The following CHD8 variants were observed in gnomAD, a reference collection of about 807,000 sequenced individuals.
CHD8 encodes the protein chromodomain helicase DNA binding protein 8, also known as ATP-dependent chromatin remodeler CHD8.
A neutral mutation model predicts 279.2 loss-of-function variants in CHD8; 31 were observed. That is an observed-to-expected ratio of 0.11 (90% CI 0.08 to 0.15). CHD8 has a LOEUF of 0.15. Ranked by LOEUF, CHD8 falls within the 10% of genes least tolerant of loss-of-function variation. The probability of loss-of-function intolerance (pLI) is 1.00; values close to 1 mark genes in which losing one functional copy is unlikely to be tolerated. For missense variants in CHD8, 2,146 were observed against 3,230.5 expected, an observed-to-expected ratio of 0.66 and a Z score of 8.14; for synonymous variants, 1,081 against 1,139.6, an observed-to-expected ratio of 0.95 and a Z score of 1.04.
chr14:21,397,602 A>G (rs919136137), intron 27 of CHD8: 2 of 491,046 alleles, frequency 4.1e-6, no homozygotes, highest in South Asian at 2.1e-5. Context: ...AGAACATCAA[A>G]TAAGCCATTT....
chr14:21,415,507 A>AAATG, intron 7 of CHD8, 67 bp downstream of exon 7: 5 of 704,294 alleles, frequency 7.1e-6, no homozygotes, highest in Non-Finnish European at 9.3e-6. Context: ...TCTATTTCAA[A>AAATG]AATAAATAAA....
In CHD8 at chr14:21,385,703, CTGAGA is replaced by C; in HGVS notation, c.7651_7655del (p.Ser2551GlyfsTer3). 6.4e-7 allele frequency: 1 copy of C among 1,551,896 alleles called. No homozygotes were observed. The highest frequency in any genetic ancestry group is 1.4e-5 in the African/African-American group (1 of 73,134). On this transcript the variant is annotated frameshift_variant, in exon 38 of 38. Coordinates refer to ENST00000646647, the MANE Select transcript of CHD8 (RefSeq NM_001170629.2). LOFTEE classifies it high-confidence loss of function. ...AGTCCCTTTCTGAGCTATCATAGCC[CTGAGA>C]TAAGTCATCATCATCTTCTTCATCC...
intron 10 of CHD8, among the ~76,000 whole-genome samples, chr14:21,410,840 G>A (rs1207172425): frequency 6.6e-6 from 1 of 152,208 alleles, no homozygotes; most frequent in Non-Finnish European, 1.5e-5. Flanking sequence ...CTCTGGAATT[G>A]ATCCAGCTGC....
intron 37 of CHD8, 98 bp from the exon 38 acceptor site, chr14:21,386,274 G>A: frequency 1.7e-6 from 2 of 1,194,146 alleles, no homozygotes; most frequent in African/African-American, 3.1e-5. Flanking sequence ...CTTTTTTACT[G>A]AATGTACCTT....
In CHD8 at chr14:21,394,274, T is replaced by G; in HGVS notation, c.5599+3A>C. 1 of 1,613,970 alleles carries G rather than the reference T, an allele frequency of 6.2e-7. No individual in the cohort carries two copies. The highest frequency in any genetic ancestry group is 8.5e-7 in the Non-Finnish European group (1 of 1,179,880). The stretch of plus-strand genomic sequence containing the variant: ...TCCTCACCCACTCTGCAATCTTGCT[T>G]ACCATCTCCAGCTGCTGGGGGAAGG... On this transcript the variant is annotated splice_donor_region_variant and intron_variant, in intron 31 of 37. Transcript: ENST00000646647.
chr14:21,415,632 C>T lies in CHD8; in HGVS notation c.1910G>A (p.Ser637Asn). 1 of 1,608,810 alleles carries T rather than the reference C, an allele frequency of 6.2e-7. No homozygotes were observed. Residue 637 changes from serine (S) to asparagine (N), a missense_variant, in exon 7 of 38, where the codon AGT (serine) becomes AAT (asparagine). By Grantham distance (46) the Ser-to-Asn change is conservative. Coordinates refer to ENST00000646647, the MANE Select transcript of CHD8 (RefSeq NM_001170629.2). ...PSMQFFVENPSEEDAAIVDKV... is the reference protein window; with the variant it reads ...PSMQFFVENPNEEDAAIVDKV... ...GTCTACAATGGCTGCATCTTCTTCA[C>T]TGGGATTCTCCTGCAGCAAAAGATG...
chr14:21,449,664 C>T (rs1389685699), intron 1 of CHD8, among the ~76,000 whole-genome samples: 2 of 152,200 alleles, frequency 1.3e-5, no homozygotes, highest in Admixed American at 1.3e-4. Flanking sequence ...AGTAACATCC[C>T]AGGTAATTCA....
At chr14:21,391,687 G>C in intron 35 of CHD8, 45 bp from the exon 36 acceptor site, 5 of 1,539,162 alleles carry the variant, frequency 3.2e-6, no homozygotes, top group Non-Finnish European at 3.5e-6. Flanking sequence ...CTCTTCTTTG[G>C]GGGAGGGAGG....
rs1160298374 is a variant in CHD8, at chr14:21,395,459, T to C, written c.5128-107A>G. 5 of 738,392 alleles carry C rather than the reference T, an allele frequency of 6.8e-6. No individual in the cohort carries two copies. In the Admixed American group the frequency reaches 8.1e-5, roughly 12 times the overall value. 45.7% of individuals were successfully genotyped at this position (738,392 alleles called of 1,614,324 possible). Reference sequence around the variant, plus strand: ...TGTGTCCTTCTATGGCACCAAGGGATCAAGAAAAACTTCTAAAGAAATATA... The same window carrying C: ...TGTGTCCTTCTATGGCACCAAGGGACCAAGAAAAACTTCTAAAGAAATATA... On this transcript the variant is annotated intron_variant, in intron 28 of 37. Coordinates refer to ENST00000646647, the MANE Select transcript of CHD8 (RefSeq NM_001170629.2).
At position 21,387,577 on chromosome 14, in the gene CHD8, T is replaced by C. The variant is rs142559042; in HGVS notation, c.7183-1401A>G. ...TGAACCCAGGAGGCGGAGATCGCGGTGAGCAGAGATCACGGCATTGTACTC... is the reference window on the plus strand; with the variant it reads ...TGAACCCAGGAGGCGGAGATCGCGGCGAGCAGAGATCACGGCATTGTACTC... On this transcript the variant is annotated intron_variant, in intron 37 of 37. Coordinates refer to ENST00000646647, the MANE Select transcript of CHD8 (RefSeq NM_001170629.2). 4.4e-3 allele frequency among the ~76,000 whole-genome samples: 630 copies of C among 144,654 alleles called. 3 individuals are homozygous for C. The highest frequency in any genetic ancestry group is 0.016 in the African/African-American group (600 of 38,658). The allele number at this position is 144,654 out of a possible 152,430, so 94.9% of individuals were successfully genotyped here.
At chr14:21,401,154 C>T in intron 21 of CHD8, 83 bp from the exon 22 acceptor site, 1 of 1,073,918 alleles carries the variant, frequency 9.3e-7, no homozygotes, top group Non-Finnish European at 1.3e-6. Context: ...ATTACAATAA[C>T]ATTGGATGTA....
At position 21,436,720 on chromosome 14, in the gene CHD8, A is replaced by G. The variant is rs557113418; in HGVS notation, c.-215-4862T>C. On this transcript the variant is annotated intron_variant, in intron 1 of 37. Transcript: ENST00000646647. ...GCTGGTAAAGTAAGACCTTGTGAATAAATCGGAAAAGCAAAATAGGCAACT... is the reference window on the plus strand; with the variant it reads ...GCTGGTAAAGTAAGACCTTGTGAATGAATCGGAAAAGCAAAATAGGCAACT... Among the ~76,000 whole-genome samples, 9 of 152,336 alleles carry G rather than the reference A, an allele frequency of 5.9e-5. No homozygotes were observed. The South Asian group carries it at 1.9e-3, about 32-fold the overall frequency.
intron 1 of CHD8, chr14:21,437,334 CG>C: frequency 1.0e-6 from 1 of 1,003,196 alleles, no homozygotes; most frequent in Non-Finnish European, 1.2e-6. Flanking sequence ...TCACCAAAGG[CG>C]AAAAGACGCA....
At position 21,454,161 on chromosome 14, in the gene CHD8, A is replaced by AG. The variant is rs1218602517; in HGVS notation, c.-216+1870_-216+1871insC. Among the ~76,000 whole-genome samples the AG allele has an allele frequency of 1.7e-3, 247 of 141,448 alleles. 2 individuals carry two copies. The highest frequency in any genetic ancestry group is 6.8e-3 in the Middle Eastern group (2 of 292). 92.8% of individuals were successfully genotyped at this position (141,448 alleles called of 152,430 possible). A position where few individuals can be genotyped will look rare whatever the true frequency, so the allele number is the denominator to read the frequency against. ...TGACAGAGCAAGACTCCGTCTCAAA[A>AG]AAAAAGAAAAGAAAAGAAAAGAAAA... On this transcript the variant is annotated intron_variant, in intron 1 of 37. Transcript: ENST00000646647.
chr14:21,429,425 A>AT (rs1223442150), intron 2 of CHD8, 90 bp from the exon 3 acceptor site: 4 of 1,315,624 alleles, frequency 3.0e-6, no homozygotes, highest in Non-Finnish European at 4.4e-6. Flanking sequence ...TGCTAGAATC[A>AT]TAAAAACTAC....
At chr14:21,442,713 G>GGAGAAGGGAGGAGAGGGGAA (rs1890009710) in intron 1 of CHD8, among the ~76,000 whole-genome samples, 1 of 91,278 alleles carries the variant, frequency 1.1e-5, no homozygotes, top group Non-Finnish European at 2.2e-5. Flanking sequence ...GGAGAGGAGA[G>GGAGAAGGGAGGAGAGGGGAA]GAGAAGGGAG....
At chr14:21,412,151 G>A (rs1271917496) in intron 10 of CHD8, among the ~76,000 whole-genome samples, 1 of 148,612 alleles carries the variant, frequency 6.7e-6, no homozygotes, top group African/African-American at 2.5e-5. Flanking sequence ...TTTTTTGTTT[G>A]TTTGTTTTTT....
chr14:21,386,292 G>T (rs1231909597), intron 37 of CHD8, 116 bp from the exon 38 acceptor site: 2 of 946,762 alleles, frequency 2.1e-6, no homozygotes, highest in African/African-American at 1.7e-5. Flanking sequence ...CTTAGAAGAG[G>T]CAAAACAAGC....
At position 21,426,108 on chromosome 14, in the gene CHD8, T is replaced by C. The variant is rs542673091; in HGVS notation, c.1716+20A>G. 9 of 1,432,000 alleles carry C rather than the reference T, an allele frequency of 6.3e-6. No homozygotes were observed. The South Asian group carries it at 8.4e-5, about 13-fold the overall frequency. The allele number at this position is 1,432,000 out of a possible 1,614,324, so 88.7% of individuals were successfully genotyped here. On this transcript the variant is annotated intron_variant, in intron 5 of 37. Transcript: ENST00000646647. ...ATTAAACATGGTTTTTTCTACTAAA[T>C]TCTTTTGGGATCCTTTTACCTGAAT...
Sources: allele counts gnomAD v4.1 joint callset (sites outside exome capture counted in the v4.1 genomes callset), GRCh38; gene constraint gnomAD v4.1.1; transcripts MANE v1.5; gene names NCBI Gene and HGNC (gene_info 2026-07-23, HGNC 2026-07-21).